The following SH3D19 variants were observed in gnomAD, a reference collection of about 807,000 sequenced individuals.
SH3D19 encodes SH3 domain containing 19.
SH3D19 carries 58 observed loss-of-function variants against 112.1 expected under a neutral mutation model. The ratio of observed to expected loss-of-function variants is 0.52; its 90% CI spans 0.42 to 0.64. SH3D19 has a LOEUF of 0.64. Ranked by LOEUF, SH3D19 falls within the 30% of genes least tolerant of loss-of-function variation. The pLI, the probability that SH3D19 is intolerant of heterozygous loss-of-function variation, is 0.00. For synonymous variants in SH3D19, 391 were observed against 448.5 expected, an observed-to-expected ratio of 0.87 and a Z score of 1.62; for missense variants, 1,090 against 1,263.4, an observed-to-expected ratio of 0.86 and a Z score of 2.08.
chr4:151,291,625 G>A (rs1775344118), intron 1 of SH3D19, among the ~76,000 whole-genome samples: 1 of 152,172 alleles, frequency 6.6e-6, no homozygotes, highest in Non-Finnish European at 1.5e-5. Flanking sequence ...TCCAAGACAG[G>A]AAGGATGTCC....
intron 2 of SH3D19, among the ~76,000 whole-genome samples, chr4:151,205,753 C>T (rs1011016382): frequency 2.0e-5 from 3 of 152,100 alleles, no homozygotes; most frequent in African/African-American, 7.2e-5. Context: ...TCTAATTGAC[C>T]TACACTAATG....
At chr4:151,296,918 G>A (rs1775752664) in intron 1 of SH3D19, among the ~76,000 whole-genome samples, 1 of 152,050 alleles carries the variant, frequency 6.6e-6, no homozygotes, top group African/African-American at 2.4e-5. Flanking sequence ...AAAAATGTGA[G>A]GACATTACAG....
intron 1 of SH3D19, among the ~76,000 whole-genome samples, chr4:151,263,190 A>G (rs192525174): frequency 6.6e-6 from 1 of 152,298 alleles, no homozygotes; most frequent in Non-Finnish European, 1.5e-5. Flanking sequence ...TAGTTCTTAT[A>G]TTCATTCTTT....
chr4:151,223,919 T>C (rs772947692), intron 2 of SH3D19, among the ~76,000 whole-genome samples: 2 of 152,226 alleles, frequency 1.3e-5, no homozygotes, highest in Non-Finnish European at 2.9e-5. Flanking sequence ...TGTTTTGTTT[T>C]GTTTTTTAAG....
At chr4:151,265,947 C>A (rs891935066) in intron 1 of SH3D19, 2 of 152,122 alleles carry the variant, frequency 1.3e-5, no homozygotes, top group Non-Finnish European at 2.9e-5. Flanking sequence ...GGAATGGGAA[C>A]TATTTTCACT....
chr4:151,184,531 CA>C (rs528522449), intron 3 of SH3D19, among the ~76,000 whole-genome samples: 3 of 151,938 alleles, frequency 2.0e-5, no homozygotes, highest in South Asian at 4.1e-4. Context: ...AGTTAAAAAC[CA>C]AAAAAACACC....
At position 151,175,038 on chromosome 4, in the gene SH3D19, G is replaced by A. The variant is rs755461724; in HGVS notation, c.1166C>T (p.Pro389Leu). ...TKPELPKKPN[P>L]GLIRSVNPEI... ...AGGATTAACACTTCGTATAAGGCCA[G>A]GGTTTGGTTTCTTTGGCAATTCAGG... The change falls in exon 7 of 20, where the codon CCT (proline) becomes CTT (leucine). Residue 389 changes from proline (P) to leucine (L), a missense_variant. By Grantham distance (98) the Pro-to-Leu change is moderately conservative. Coordinates refer to ENST00000604030, the MANE Select transcript of SH3D19 (RefSeq NM_001378122.1). The A allele has an allele frequency of 6.2e-7, 1 of 1,614,210 alleles. No individual in the cohort carries two copies. Among genetic ancestry groups the A allele is most frequent in the Non-Finnish European group, 8.5e-7 (1 of 1,180,034 alleles).
intron 1 of SH3D19, among the ~76,000 whole-genome samples, chr4:151,246,459 A>T (rs1770953824): frequency 6.6e-6 from 1 of 152,206 alleles, no homozygotes; most frequent in Admixed American, 6.5e-5. Flanking sequence ...AGGAGTGGGT[A>T]TGATCTTTCT....
chr4:151,181,984 G>A (rs970744113), intron 3 of SH3D19, among the ~76,000 whole-genome samples: 3 of 151,716 alleles, frequency 2.0e-5, no homozygotes, highest in African/African-American at 7.3e-5. Context: ...CCGCTTGTAG[G>A]GTTTTTTTTT....
rs1761451435 is a variant in SH3D19 at position 151,184,592 on chromosome 4, T to A, written c.193+2831A>T. On this transcript the variant is annotated intron_variant, in intron 3 of 19. Transcript: ENST00000604030. ...CCTTTGTTTCATATCCTCCTTCCTC[T>A]CTCTGCTAGGGCCCTGTTTCACCGT... 4.6e-5 allele frequency among the ~76,000 whole-genome samples: 6 copies of A among 129,688 alleles called. No homozygotes were observed. The South Asian group carries it at 1.7e-3, about 36-fold the overall frequency. The allele number at this position is 129,688 out of a possible 152,430, so 85.1% of individuals were successfully genotyped here. A position where few individuals can be genotyped will look rare whatever the true frequency, so the allele number is the denominator to read the frequency against.
At chr4:151,275,874 G>A (rs957004366) in intron 1 of SH3D19, among the ~76,000 whole-genome samples, 68 of 139,208 alleles carry the variant, frequency 4.9e-4, no homozygotes, top group African/African-American at 1.7e-3. Flanking sequence ...ACGGAGTCTC[G>A]CTCTGTCGCC....
At chr4:151,296,952 T>A (rs1775754482) in intron 1 of SH3D19, among the ~76,000 whole-genome samples, 1 of 152,182 alleles carries the variant, frequency 6.6e-6, no homozygotes, top group African/African-American at 2.4e-5. Flanking sequence ...AATAATAAAA[T>A]GTCAAAGCTA....
At chr4:151,179,978 G>C (rs1311039629) in intron 3 of SH3D19, among the ~76,000 whole-genome samples, 1 of 152,138 alleles carries the variant, frequency 6.6e-6, no homozygotes, top group Non-Finnish European at 1.5e-5. Flanking sequence ...AAGTTCCCAG[G>C]CTCAAGTGAT....
chr4:151,163,438 T>C (rs1002246547), intron 8 of SH3D19, among the ~76,000 whole-genome samples: 2 of 152,220 alleles, frequency 1.3e-5, no homozygotes, highest in Non-Finnish European at 2.9e-5. Flanking sequence ...CTTATTATTA[T>C]ATGTTACTAT....
chr4:151,276,650 A>C (rs1220129508), intron 1 of SH3D19, among the ~76,000 whole-genome samples: 1 of 152,186 alleles, frequency 6.6e-6, no homozygotes, highest in Non-Finnish European at 1.5e-5. Context: ...GCTGATCCTG[A>C]GACCACTCTA....
Position 151,283,167 on chromosome 4 carries a change from C to T in SH3D19, c.112+42074G>A, listed in dbSNP as rs369822008. ...GGAAGCAGAAGTACCCATTATTGACCGCCAGGCTTGTGAACAGCTCTACAA... is the reference window on the plus strand; with the variant it reads ...GGAAGCAGAAGTACCCATTATTGACTGCCAGGCTTGTGAACAGCTCTACAA... On this transcript the variant is annotated intron_variant, in intron 1 of 19. Transcript: ENST00000604030. The T allele has an allele frequency of 6.6e-5, 107 of 1,613,714 alleles. No individual in the cohort carries two copies. The East Asian group carries it at 8.5e-4, about 13-fold the overall frequency.
chr4:151,276,905 A>G (rs1268941011), intron 1 of SH3D19, among the ~76,000 whole-genome samples: 1 of 152,110 alleles, frequency 6.6e-6, no homozygotes, highest in Admixed American at 6.5e-5. Flanking sequence ...GCCACTCCTC[A>G]ACACCACAGG....
chr4:151,146,689 C>T (rs572421505), intron 11 of SH3D19, among the ~76,000 whole-genome samples: 2 of 152,270 alleles, frequency 1.3e-5, no homozygotes, highest in Admixed American at 6.5e-5. Context: ...TGTGCCAACA[C>T]GCCCAGCTAA....
rs34575245 is a variant in SH3D19, at chr4:151,216,877, CTGTGTGTGTGTG to C, written c.152+9158_152+9169del. 5.8e-3 allele frequency among the ~76,000 whole-genome samples: 820 copies of C among 140,866 alleles called. 5 individuals are homozygous for C. Among genetic ancestry groups the C allele is most frequent in the African/African-American group, 0.018 (709 of 38,550 alleles). The allele number at this position is 140,866 out of a possible 152,430, so 92.4% of individuals were successfully genotyped here. A position where few individuals can be genotyped will look rare whatever the true frequency, so the allele number is the denominator to read the frequency against. ...TTCTGAAAACCACAACAAAACAACACTGTGTGTGTGTGTGTGTGTGTGTGTGTGTGTGTGTGT... is the reference window on the plus strand; with the variant it reads ...TTCTGAAAACCACAACAAAACAACACTGTGTGTGTGTGTGTGTGTGTGTGT... On this transcript the variant is annotated intron_variant, in intron 2 of 19. Coordinates refer to ENST00000604030, the MANE Select transcript of SH3D19 (RefSeq NM_001378122.1).
Sources: gnomAD v4.1 joint callset for allele counts (sites outside exome capture counted in the v4.1 genomes callset) on GRCh38, gnomAD v4.1.1 for gene constraint, MANE v1.5 for transcripts, NCBI Gene and HGNC (gene_info 2026-07-23, HGNC 2026-07-21) for gene names.